The following ZEB1 variants were observed in gnomAD, a reference collection of about 807,000 sequenced individuals.
ZEB1 encodes zinc finger E-box-binding homeobox 1.
A neutral mutation model predicts 84.9 loss-of-function variants in ZEB1; 21 were observed. The ratio of observed to expected loss-of-function variants is 0.25; its 90% CI spans 0.18 to 0.36. ZEB1 has a LOEUF of 0.36. Among genes scored for constraint, ZEB1 ranks in the 10% least tolerant of loss-of-function variants. The pLI is 1.00. For missense variants in ZEB1, 1,104 were observed against 1,330.2 expected (o/e 0.83, Z 2.65); for synonymous variants, 420 against 471.1 (o/e 0.89, Z 1.41).
At chr10:31,429,523 G>A (rs2057408991) in intron 1 of ZEB1, among the ~76,000 whole-genome samples, 1 of 151,912 alleles carries the variant, frequency 6.6e-6, no homozygotes, top group Non-Finnish European at 1.5e-5. Flanking sequence ...ACAGACACTG[G>A]GGCTTACCAG....
At chr10:31,443,916 G>A (rs2059399514) in intron 1 of ZEB1, among the ~76,000 whole-genome samples, 1 of 150,376 alleles carries the variant, frequency 6.6e-6, no homozygotes, top group Non-Finnish European at 1.5e-5. Context: ...ATAGTCCTTT[G>A]GGTATATACC....
At chr10:31,399,364 G>A (rs1452926809) in intron 1 of ZEB1, among the ~76,000 whole-genome samples, 2 of 151,992 alleles carry the variant, frequency 1.3e-5, no homozygotes, top group Non-Finnish European at 2.9e-5. Context: ...AACCTCCTCC[G>A]GCAGTTTTTC....
At chr10:31,440,503 G>A (rs916563604) in intron 1 of ZEB1, among the ~76,000 whole-genome samples, 2 of 147,610 alleles carry the variant, frequency 1.4e-5, no homozygotes, top group East Asian at 1.9e-4. Flanking sequence ...GCGCAAGACA[G>A]GGGTGCCCTT....
chr10:31,443,825 G>C (rs1004225200), intron 1 of ZEB1, among the ~76,000 whole-genome samples: 6 of 150,966 alleles, frequency 4.0e-5, no homozygotes, highest in South Asian at 2.1e-4. Context: ...TTGGACATTT[G>C]GGTTGGCTCC....
At chr10:31,512,746 A>G (rs1375825206) in intron 5 of ZEB1, among the ~76,000 whole-genome samples, 10 of 152,226 alleles carry the variant, frequency 6.6e-5, no homozygotes, top group Admixed American at 5.9e-4. Context: ...AGAAAAATAC[A>G]GCAGGATAAG....
At chr10:31,473,011 C>T in intron 2 of ZEB1, among the ~76,000 whole-genome samples, 1 of 140,440 alleles carries the variant, frequency 7.1e-6, no homozygotes, top group African/African-American at 3.0e-5. Context: ...TTCAACAACC[C>T]TTCATGCTAA....
intron 1 of ZEB1, among the ~76,000 whole-genome samples, chr10:31,365,538 A>G (rs559854146): frequency 1.2e-4 from 18 of 152,306 alleles, no homozygotes; most frequent in African/African-American, 4.3e-4. Context: ...TAATCCATTC[A>G]CAGGTCATAT....
chr10:31,447,623 C>G (rs1262884945), intron 1 of ZEB1, among the ~76,000 whole-genome samples: 1 of 142,122 alleles, frequency 7.0e-6, no homozygotes, highest in African/African-American at 2.7e-5. Flanking sequence ...GTGACAAAAT[C>G]TCTCAGCATT....
At chr10:31,487,854 C>CT (rs1170847048) in intron 2 of ZEB1, among the ~76,000 whole-genome samples, 1 of 151,072 alleles carries the variant, frequency 6.6e-6, no homozygotes, top group Non-Finnish European at 1.5e-5. Context: ...TTTTCAAATG[C>CT]TTTTTCTGCA....
chr10:31,402,107 T>C (rs1378188976), intron 1 of ZEB1, among the ~76,000 whole-genome samples: 3 of 148,504 alleles, frequency 2.0e-5, no homozygotes, highest in Non-Finnish European at 4.4e-5. Flanking sequence ...GTTGTTGTTG[T>C]TGCTGTTGTT....
chr10:31,420,137 C>T (rs2055912971), intron 1 of ZEB1, among the ~76,000 whole-genome samples: 9 of 152,092 alleles, frequency 5.9e-5, no homozygotes, highest in Admixed American at 5.9e-4. Context: ...GACCGGACAA[C>T]CTAAAAATTA....
chr10:31,425,312 C>G (rs1474184276), intron 1 of ZEB1, among the ~76,000 whole-genome samples: 1 of 152,008 alleles, frequency 6.6e-6, no homozygotes, highest in African/African-American at 2.4e-5. Flanking sequence ...TGAGTTTCCA[C>G]TGTTCTCATG....
chr10:31,455,092 C>T (rs909999648), intron 1 of ZEB1, among the ~76,000 whole-genome samples: 15 of 152,124 alleles, frequency 9.9e-5, no homozygotes, highest in African/African-American at 3.6e-4. Context: ...AGAACAGAGG[C>T]CTCAGAAATA....
chr10:31,362,982 T>C, intron 1 of ZEB1: 1 of 1,533,108 alleles, frequency 6.5e-7, no homozygotes, highest in Non-Finnish European at 8.7e-7. Flanking sequence ...GAGATAGACA[T>C]GGAAGCTTTG....
intron 2 of ZEB1, among the ~76,000 whole-genome samples, chr10:31,473,386 A>G (rs1282890424): frequency 2.6e-5 from 4 of 151,632 alleles, no homozygotes; most frequent in South Asian, 4.2e-4. Flanking sequence ...TCAATGTACA[A>G]AAATCACAAG....
chr10:31,445,242 T>C (rs2059606116), intron 1 of ZEB1, among the ~76,000 whole-genome samples: 1 of 148,980 alleles, frequency 6.7e-6, no homozygotes, highest in South Asian at 2.1e-4. Context: ...ATAAGAATGC[T>C]TGTGATTTTT....
At chr10:31,330,699 T>C (rs1363327634) in intron 1 of ZEB1, among the ~76,000 whole-genome samples, 2 of 152,302 alleles carry the variant, frequency 1.3e-5, no homozygotes, top group African/African-American at 4.8e-5. Flanking sequence ...TTGTTATAGC[T>C]AAAGAAAAAG....
intron 5 of ZEB1, among the ~76,000 whole-genome samples, chr10:31,512,989 G>A (rs1027378841): frequency 1.3e-5 from 2 of 152,158 alleles, no homozygotes; most frequent in African/African-American, 2.4e-5. Flanking sequence ...AGGTGTTGGG[G>A]GCTACATATT....
At chr10:31,478,382 G>C (rs939334748) in intron 2 of ZEB1, among the ~76,000 whole-genome samples, 3 of 151,928 alleles carry the variant, frequency 2.0e-5, no homozygotes, top group Admixed American at 6.6e-5. Context: ...AGAGAGAAGG[G>C]TATTCTTATA....
Sources: allele counts gnomAD v4.1 joint callset (sites outside exome capture counted in the v4.1 genomes callset), GRCh38; gene constraint gnomAD v4.1.1; transcripts MANE v1.5; gene names NCBI Gene and HGNC (gene_info 2026-07-23, HGNC 2026-07-21).